The following ROBO2 variants were observed in gnomAD, a reference collection of about 807,000 sequenced individuals.
ROBO2 encodes the protein roundabout homolog 2.
In ROBO2, 53 loss-of-function variants were observed where a neutral mutation model predicts 160.8. The observed-to-expected ratio is 0.33, with a 90% confidence interval of 0.26 to 0.41. ROBO2 has a LOEUF of 0.41. Ranked by LOEUF, ROBO2 falls within the 10% of genes least tolerant of loss-of-function variation. The pLI is 1.00. For synonymous variants in ROBO2, 664 were observed against 611.7 expected (o/e 1.09, Z -1.26); for missense variants, 1,577 against 1,722.4 (o/e 0.92, Z 1.49).
chr3:77,492,695 A>G (rs940012413), intron 4 of ROBO2, among the ~76,000 whole-genome samples: 1 of 152,182 alleles, frequency 6.6e-6, no homozygotes, highest in African/African-American at 2.4e-5. Flanking sequence ...CTTTCCATAC[A>G]TGAAGTTAAA....
intron 2 of ROBO2, among the ~76,000 whole-genome samples, chr3:76,359,171 A>G (rs965878494): frequency 6.6e-6 from 1 of 151,760 alleles, no homozygotes; most frequent in Admixed American, 6.6e-5. Context: ...CCAGTCTATC[A>G]TTGTTGGACA....
intron 2 of ROBO2, among the ~76,000 whole-genome samples, chr3:76,424,732 G>A (rs554241131): frequency 6.5e-4 from 99 of 152,206 alleles, no homozygotes; most frequent in Middle Eastern, 3.4e-3. Context: ...GTTATGCGTC[G>A]AAAGTGATGA....
At chr3:76,308,291 C>T (rs1167324424) in intron 2 of ROBO2, among the ~76,000 whole-genome samples, 2 of 147,984 alleles carry the variant, frequency 1.4e-5, no homozygotes, top group African/African-American at 2.5e-5. Flanking sequence ...GCAGAAGAAT[C>T]GCTTGACCCC....
At chr3:77,066,240 A>G (rs1171061561) in intron 1 of ROBO2, among the ~76,000 whole-genome samples, 7 of 152,144 alleles carry the variant, frequency 4.6e-5, no homozygotes, top group African/African-American at 1.7e-4. Context: ...GTAGTTTTAT[A>G]AGTACTTTCA....
chr3:77,498,594 G>A (rs1198526024), intron 5 of ROBO2, among the ~76,000 whole-genome samples: 3 of 151,668 alleles, frequency 2.0e-5, no homozygotes, highest in African/African-American at 7.3e-5. Flanking sequence ...AAACTGAATG[G>A]AACTACTTAT....
intron 2 of ROBO2, among the ~76,000 whole-genome samples, chr3:77,148,574 C>T (rs2077298544): frequency 2.0e-5 from 3 of 152,162 alleles, no homozygotes; most frequent in African/African-American, 4.8e-5. Flanking sequence ...TCAACACAGG[C>T]TTATCAATAC....
intron 1 of ROBO2, among the ~76,000 whole-genome samples, chr3:77,071,186 T>C (rs2067372293): frequency 6.6e-6 from 1 of 152,176 alleles, no homozygotes; most frequent in African/African-American, 2.4e-5. Context: ...GGAAATATTT[T>C]ACATAGAGCA....
rs556124098 is a variant in ROBO2 at position 76,624,416 on chromosome 3, C to G, written c.110-473598C>G. Among the ~76,000 whole-genome samples, 31 of 152,164 alleles carry G rather than the reference C, an allele frequency of 2.0e-4. No homozygotes were observed. In the South Asian group the frequency reaches 6.4e-3, roughly 32 times the overall value. On this transcript the variant is annotated intron_variant, in intron 2 of 26. Coordinates refer to the ROBO2 transcript ENST00000487694. ...AGGTGCTTATAGAGCCAGGCTTTCT[C>G]TTTTATATTAATTCATAACTCTTGA...
At chr3:77,261,356 A>C (rs2058760410) in intron 2 of ROBO2, among the ~76,000 whole-genome samples, 1 of 152,132 alleles carries the variant, frequency 6.6e-6, no homozygotes, top group African/African-American at 2.4e-5. Context: ...ATTCTCTCCA[A>C]AGACACTTTA....
chr3:77,409,925 C>A (rs1395436789), intron 2 of ROBO2, among the ~76,000 whole-genome samples: 2 of 152,148 alleles, frequency 1.3e-5, no homozygotes, highest in Non-Finnish European at 2.9e-5. Flanking sequence ...TTGAAGTCTA[C>A]AGATGTTCAC....
chr3:76,530,173 C>T (rs965610999), intron 2 of ROBO2, among the ~76,000 whole-genome samples: 6 of 152,162 alleles, frequency 3.9e-5, no homozygotes, highest in Admixed American at 6.5e-5. Context: ...GCTTACCCAG[C>T]GTGTACACAG....
intron 13 of ROBO2, among the ~76,000 whole-genome samples, chr3:77,571,263 AGTT>A (rs1346745146): frequency 6.6e-6 from 1 of 151,996 alleles, no homozygotes; most frequent in Non-Finnish European, 1.5e-5. Context: ...CTTTATATTG[AGTT>A]GTTATGTTGT....
chr3:77,460,457 G>C (rs1335579889), intron 2 of ROBO2, among the ~76,000 whole-genome samples: 1 of 152,118 alleles, frequency 6.6e-6, no homozygotes, highest in Non-Finnish European at 1.5e-5. Flanking sequence ...GGGATCATCA[G>C]CATGGAGGCA....
chr3:77,063,808 T>C (rs1031788470), intron 1 of ROBO2, among the ~76,000 whole-genome samples: 9 of 152,314 alleles, frequency 5.9e-5, no homozygotes, highest in African/African-American at 1.7e-4. Context: ...CTGGTTTCCA[T>C]TGGTTTTGCT....
At chr3:76,583,143 C>A (rs2085810972) in intron 2 of ROBO2, among the ~76,000 whole-genome samples, 1 of 152,088 alleles carries the variant, frequency 6.6e-6, no homozygotes, top group African/African-American at 2.4e-5. Flanking sequence ...AACATGAATA[C>A]CTTATGCAGT....
intron 2 of ROBO2, among the ~76,000 whole-genome samples, chr3:76,826,423 G>A (rs1355163982): frequency 6.6e-6 from 1 of 152,100 alleles, no homozygotes; most frequent in African/African-American, 2.4e-5. Flanking sequence ...CCAGTAATCA[G>A]TGGATGAGTT....
At position 76,713,037 on chromosome 3, in the gene ROBO2, G is replaced by A. The variant is rs531787605; in HGVS notation, c.110-384977G>A. ...AAACCAAATAAACTGTGCCATAAAG[G>A]CACTCAATAAGTTAATTGTCTTTTA... On this transcript the variant is annotated intron_variant, in intron 2 of 26. Transcript: ENST00000487694. Among the ~76,000 whole-genome samples, 9 of 152,180 alleles carry A rather than the reference G, an allele frequency of 5.9e-5. No homozygotes were observed. In the East Asian group the frequency reaches 1.7e-3, roughly 29 times the overall value.
At chr3:76,427,019 G>A (rs966175308) in intron 2 of ROBO2, among the ~76,000 whole-genome samples, 2 of 152,134 alleles carry the variant, frequency 1.3e-5, no homozygotes, top group Non-Finnish European at 1.5e-5. Flanking sequence ...ACGTGAATAT[G>A]TTGTGCCGTG....
chr3:76,780,919 T>C (rs1194222458), intron 2 of ROBO2, among the ~76,000 whole-genome samples: 2 of 150,756 alleles, frequency 1.3e-5, no homozygotes, highest in African/African-American at 4.8e-5. Flanking sequence ...TCCACAGGAA[T>C]TATAGGATGG....
Sources: allele counts gnomAD v4.1 joint callset (sites outside exome capture counted in the v4.1 genomes callset), GRCh38; gene constraint gnomAD v4.1.1; transcripts MANE v1.5; gene names NCBI Gene and HGNC (gene_info 2026-07-23, HGNC 2026-07-21).